Variants in ST6GAL1 observed in about 807,000 individuals in gnomAD.
The protein encoded by ST6GAL1 is beta-galactoside alpha-2,6-sialyltransferase 1.
ST6GAL1 carries 20 observed loss-of-function variants against 38.0 expected under a neutral mutation model. That is an observed-to-expected ratio of 0.53 (90% CI 0.37 to 0.77). The LOEUF (loss-of-function observed/expected upper bound fraction) is 0.77, where lower values mean the gene tolerates loss of function less well. Ranked by LOEUF, ST6GAL1 falls within the 30% of genes least tolerant of loss-of-function variation. The pLI is 0.00. For synonymous variants in ST6GAL1, 196 were observed against 188.2 expected (o/e 1.04, Z -0.34); for missense variants, 432 against 496.4 (o/e 0.87, Z 1.23).
chr3:187,022,996 C>T (rs2108566586), intron 2 of ST6GAL1, among the ~76,000 whole-genome samples: 1 of 152,250 alleles, frequency 6.6e-6, no homozygotes, highest in East Asian at 1.9e-4. Flanking sequence ...CTCTATTTTA[C>T]CTTAATGCTG....
intron 3 of ST6GAL1, among the ~76,000 whole-genome samples, chr3:187,040,628 G>A (rs1158665951): frequency 2.0e-5 from 3 of 152,194 alleles, no homozygotes; most frequent in African/African-American, 7.2e-5. Context: ...TGACTACCAC[G>A]TAGTAGGCCC....
chr3:186,948,563 G>GTC (rs1030404061), intron 1 of ST6GAL1: 2 of 152,742 alleles, frequency 1.3e-5, no homozygotes, highest in African/African-American at 4.9e-5. Flanking sequence ...GTGTGTGTGT[G>GTC]TGTGTGTCTG....
intron 1 of ST6GAL1, among the ~76,000 whole-genome samples, chr3:186,945,228 C>T (rs566632351): frequency 6.6e-5 from 10 of 151,820 alleles, no homozygotes; most frequent in Non-Finnish European, 1.3e-4. Flanking sequence ...GGATCCCTTG[C>T]CCAGGAGCTC....
At chr3:187,022,160 C>G (rs1717332198) in intron 2 of ST6GAL1, among the ~76,000 whole-genome samples, 1 of 152,106 alleles carries the variant, frequency 6.6e-6, no homozygotes, top group African/African-American at 2.4e-5. Context: ...ACACTAAGCC[C>G]TCAATCTGTA....
At chr3:187,072,754 C>A in intron 5 of ST6GAL1, 95 bp from the exon 6 acceptor site, 1 of 1,065,478 alleles carries the variant, frequency 9.4e-7, no homozygotes, top group Non-Finnish European at 1.5e-6. Flanking sequence ...GGCTCTGGGG[C>A]CTCAGGCTGT....
intron 2 of ST6GAL1, among the ~76,000 whole-genome samples, chr3:187,020,245 G>A (rs10937280): frequency 0.35 from 52,662 of 152,012 alleles, 9,514 homozygotes; most frequent in East Asian, 0.42. Context: ...GCAGTGAGCC[G>A]AGATTGCACT....
At chr3:187,056,134 CT>C (rs749332502) in intron 5 of ST6GAL1, among the ~76,000 whole-genome samples, 1 of 151,838 alleles carries the variant, frequency 6.6e-6, no homozygotes, top group South Asian at 2.1e-4. Context: ...GCAACCCCTG[CT>C]TTTTTTTGCT....
chr3:186,940,431 T>C (rs1714127110), intron 1 of ST6GAL1, among the ~76,000 whole-genome samples: 2 of 152,234 alleles, frequency 1.3e-5, no homozygotes, highest in South Asian at 4.1e-4. Context: ...CATTTATATA[T>C]GTATTTGTGG....
chr3:186,931,670 T>G (rs1157058143), intron 1 of ST6GAL1, among the ~76,000 whole-genome samples: 1 of 152,194 alleles, frequency 6.6e-6, no homozygotes, highest in Non-Finnish European at 1.5e-5. Flanking sequence ...TTTGGTCGCC[T>G]CCTCAGCCTG....
intron 5 of ST6GAL1, among the ~76,000 whole-genome samples, chr3:187,062,274 A>G (rs1007345906): frequency 9.2e-5 from 14 of 152,200 alleles, no homozygotes; most frequent in African/African-American, 3.1e-4. Context: ...ACAGTACGGC[A>G]GTGCCTCAAA....
chr3:187,007,943 G>A (rs1389971036), intron 2 of ST6GAL1, among the ~76,000 whole-genome samples: 1 of 151,890 alleles, frequency 6.6e-6, no homozygotes, highest in African/African-American at 2.4e-5. Context: ...CCTGAAGGTA[G>A]ATCAATAGAA....
chr3:187,075,519 G>A lies in ST6GAL1; in HGVS notation c.980-43G>A, dbSNP rs773650239. On this transcript the variant is annotated intron_variant, in intron 7 of 7. Coordinates refer to ENST00000169298, the MANE Select transcript of ST6GAL1 (RefSeq NM_173216.2). The surrounding 1 kb of genome is among the most constrained non-coding windows in gnomAD (Gnocchi z 4.1). ...CACTGGGCAGAGCTCTGGGGTGCTG[G>A]GGTGGGTTGTCAGGCATGACTCACC... is the stretch of plus-strand genomic sequence containing the variant. 4 of 1,605,052 alleles carry A rather than the reference G, an allele frequency of 2.5e-6. No homozygotes were observed. The Admixed American group carries it at 6.7e-5, about 27-fold the overall frequency.
chr3:186,950,252 G>C (rs557499501), intron 1 of ST6GAL1, among the ~76,000 whole-genome samples: 26 of 152,358 alleles, frequency 1.7e-4, no homozygotes, highest in African/African-American at 6.3e-4. Context: ...GGAGGGCAGA[G>C]CTAACAGTGG....
intron 2 of ST6GAL1, among the ~76,000 whole-genome samples, chr3:187,019,960 A>C (rs2108563842): frequency 6.6e-6 from 1 of 152,324 alleles, no homozygotes; most frequent in South Asian, 2.1e-4. Context: ...GAAGGGCCTG[A>C]GTAGAGGGAC....
At chr3:186,971,769 C>G (rs1466408418) in intron 2 of ST6GAL1, among the ~76,000 whole-genome samples, 1 of 152,218 alleles carries the variant, frequency 6.6e-6, no homozygotes, top group Non-Finnish European at 1.5e-5. Flanking sequence ...TGATTTTTCA[C>G]TGTGCTTTCC....
At chr3:187,070,498 C>T (rs1235377635) in intron 5 of ST6GAL1, among the ~76,000 whole-genome samples, 1 of 147,158 alleles carries the variant, frequency 6.8e-6, no homozygotes, top group Non-Finnish European at 1.5e-5. Flanking sequence ...AATCTTGGCT[C>T]ACGGCAACCT....
chr3:186,989,431 C>T (rs1716075790), intron 2 of ST6GAL1, among the ~76,000 whole-genome samples: 1 of 152,194 alleles, frequency 6.6e-6, no homozygotes, highest in Non-Finnish European at 1.5e-5. Flanking sequence ...GTCATTATTA[C>T]AGATGTGGAA....
chr3:187,038,197 CTTTTTTT>C (rs1185371884), intron 2 of ST6GAL1, among the ~76,000 whole-genome samples: 3 of 88,600 alleles, frequency 3.4e-5, no homozygotes, highest in Non-Finnish European at 6.3e-5. Flanking sequence ...AAGTCTATTT[CTTTTTTT>C]TTTTTTTTTT....
intron 1 of ST6GAL1, among the ~76,000 whole-genome samples, chr3:186,945,365 G>C (rs1405779501): frequency 6.6e-6 from 1 of 151,808 alleles, no homozygotes; most frequent in African/African-American, 2.4e-5. Flanking sequence ...CAATGGGACT[G>C]AAGAATTTTA....
Sources: allele counts gnomAD v4.1 joint callset (sites outside exome capture counted in the v4.1 genomes callset), GRCh38; gene constraint gnomAD v4.1.1; non-coding constraint Gnocchi (gnomAD v3.1); transcripts MANE v1.5; gene names NCBI Gene and HGNC (gene_info 2026-07-23, HGNC 2026-07-21).